Variants in ARHGAP10 observed in about 807,000 individuals in gnomAD.
The protein encoded by ARHGAP10 is Rho GTPase activating protein 10.
Under a neutral mutation model 108.6 loss-of-function variants are expected in ARHGAP10, and 87 were observed. That is an observed-to-expected ratio of 0.80 (90% CI 0.67 to 0.96). The LOEUF (loss-of-function observed/expected upper bound fraction) is 0.96, where lower values mean the gene tolerates loss of function less well. Ranked by LOEUF, ARHGAP10 falls within the 40% of genes least tolerant of loss-of-function variation. The pLI is 0.00. For synonymous variants in ARHGAP10, 347 were observed against 341.1 expected, an observed-to-expected ratio of 1.02 and a Z score of -0.19; for missense variants, 939 against 954.5, an observed-to-expected ratio of 0.98 and a Z score of 0.21.
At chr4:147,773,644 T>C (rs544557857) in intron 1 of ARHGAP10, among the ~76,000 whole-genome samples, 1 of 152,348 alleles carries the variant, frequency 6.6e-6, no homozygotes, top group African/African-American at 2.4e-5. Context: ...AACAGTTATC[T>C]GTTTTTCGTG....
chr4:147,866,800 A>G lies in ARHGAP10; in HGVS notation c.686A>G (p.Gln229Arg). 2.5e-6 allele frequency: 4 copies of G among 1,609,444 alleles called. No individual in the cohort carries two copies. Among genetic ancestry groups the G allele is most frequent in the Non-Finnish European group, 2.6e-6 (3 of 1,175,984 alleles). ...TTCAATCACTACAAAATGGAACTACAGATCAACATTCAGAATGTAAGGAAG... is the reference window on the plus strand; with the variant it reads ...TTCAATCACTACAAAATGGAACTACGGATCAACATTCAGAATGTAAGGAAG... ...KDFNHYKMEL[Q>R]INIQNTRNRF... The change falls in exon 7 of 23, where the codon CAG becomes CGG. Residue 229 changes from glutamine to arginine, a missense_variant. Physicochemically the swap from Gln to Arg is conservative, Grantham distance 43. Coordinates refer to ENST00000336498, the MANE Select transcript of ARHGAP10 (RefSeq NM_024605.4).
At chr4:148,050,577 G>A (rs180960091) in intron 20 of ARHGAP10, among the ~76,000 whole-genome samples, 81 of 151,664 alleles carry the variant, frequency 5.3e-4, no homozygotes, top group Middle Eastern at 3.4e-3. Flanking sequence ...GTTTCACTGC[G>A]TTAGCCAGGA....
chr4:147,967,711 G>C (rs1182782166), intron 18 of ARHGAP10, among the ~76,000 whole-genome samples: 1 of 152,202 alleles, frequency 6.6e-6, no homozygotes, highest in Non-Finnish European at 1.5e-5. Flanking sequence ...ACTTGCAACA[G>C]AGACCAGATA....
In ARHGAP10 at chr4:148,064,451, G is replaced by A. The variant is rs1436395350; in HGVS notation, c.2216G>A (p.Cys739Tyr). 6.2e-7 allele frequency: 1 copy of A among 1,614,170 alleles called. No homozygotes were observed. The highest frequency in any genetic ancestry group is 2.2e-5 in the East Asian group (1 of 44,880). The change falls in exon 22 of 23, where the codon TGT becomes TAT. Residue 739 changes from cysteine (C) to tyrosine (Y), a missense_variant. Physicochemically the swap from Cys to Tyr is radical, Grantham distance 194. Transcript: ENST00000336498. ...RSRKARAVYP[C>Y]EAEHSSELSF... ...CGGAAGGCTCGAGCCGTGTATCCGT[G>A]TGAAGCAGAACACAGCTCGGAATTA... is the stretch of plus-strand genomic sequence containing the variant.
chr4:147,963,252 T>G (rs1739071082), intron 16 of ARHGAP10, among the ~76,000 whole-genome samples: 2 of 152,160 alleles, frequency 1.3e-5, no homozygotes, highest in African/African-American at 4.8e-5. Flanking sequence ...TGTCATGCTA[T>G]TTACTGAATT....
intron 19 of ARHGAP10, among the ~76,000 whole-genome samples, chr4:148,024,284 TTCTAG>T (rs1382414827): frequency 6.6e-6 from 1 of 152,232 alleles, no homozygotes; most frequent in Non-Finnish European, 1.5e-5. Flanking sequence ...TTCATTCTTC[TTCTAG>T]TCCTCTTTTT....
intron 16 of ARHGAP10, among the ~76,000 whole-genome samples, chr4:147,959,095 A>G (rs1430013945): frequency 6.6e-6 from 1 of 152,170 alleles, no homozygotes; most frequent in Non-Finnish European, 1.5e-5. Flanking sequence ...TAGATGATTT[A>G]TCTTCAAAAA....
In ARHGAP10 at chr4:147,942,243, T is replaced by G. The variant is rs72724377; in HGVS notation, c.1303+2344T>G. 3.9e-3 allele frequency among the ~76,000 whole-genome samples: 594 copies of G among 152,302 alleles called. 3 individuals are homozygous for G. The highest frequency in any genetic ancestry group is 6.2e-3 in the Non-Finnish European group (421 of 68,002). ...TTGTAATGCATTGTCTTTGTAGAAA[T>G]GGGAAATAATTTAATTTTTAAGTAT... On this transcript the variant is annotated intron_variant, in intron 14 of 22. Coordinates refer to ENST00000336498, the MANE Select transcript of ARHGAP10 (RefSeq NM_024605.4).
At chr4:147,879,487 A>G (rs1357030690) in intron 9 of ARHGAP10, 149 bp downstream of exon 9, 8 of 669,274 alleles carry the variant, frequency 1.2e-5, no homozygotes, top group Non-Finnish European at 1.9e-5. Context: ...TTTTTGAGTG[A>G]AATGGGCCAG....
intron 16 of ARHGAP10, among the ~76,000 whole-genome samples, chr4:147,961,086 G>A (rs11939429): frequency 0.061 from 9,302 of 152,160 alleles, 603 homozygotes; most frequent in African/African-American, 0.16. Flanking sequence ...TTTTTGGGTC[G>A]GTCATAGGGT....
intron 1 of ARHGAP10, among the ~76,000 whole-genome samples, chr4:147,734,055 G>A (rs1728329000): frequency 2.6e-5 from 4 of 152,004 alleles, no homozygotes; most frequent in African/African-American, 9.7e-5. Context: ...GAGGAGTTGG[G>A]AGCGGGGGTG....
chr4:147,855,422 A>ATATCAATACATTGTAGTAACTATGTAG (rs1296981339), intron 4 of ARHGAP10, among the ~76,000 whole-genome samples: 70 of 152,368 alleles, frequency 4.6e-4, no homozygotes, highest in African/African-American at 1.6e-3. Context: ...TAACTATGTA[A>ATATCAATACATTGTAGTAACTATGTAG]TATCAATACA....
intron 1 of ARHGAP10, among the ~76,000 whole-genome samples, chr4:147,754,644 C>T (rs970083022): frequency 1.3e-5 from 2 of 151,728 alleles, no homozygotes; most frequent in Admixed American, 6.6e-5. Context: ...CTTTCACCAG[C>T]TAGAGAATTT....
At chr4:147,990,009 A>G (rs1740209030) in intron 18 of ARHGAP10, among the ~76,000 whole-genome samples, 4 of 152,228 alleles carry the variant, frequency 2.6e-5, no homozygotes, top group Admixed American at 2.6e-4. Flanking sequence ...TTCTTCTGTC[A>G]TGGCTTCAGC....
At chr4:148,054,249 A>C (rs532350736) in intron 20 of ARHGAP10, among the ~76,000 whole-genome samples, 1 of 152,242 alleles carries the variant, frequency 6.6e-6, no homozygotes, top group Non-Finnish European at 1.5e-5. Context: ...CTGGCCTTGC[A>C]TCCACGTTCT....
At chr4:147,986,044 A>G (rs1740033673) in intron 18 of ARHGAP10, among the ~76,000 whole-genome samples, 1 of 152,166 alleles carries the variant, frequency 6.6e-6, no homozygotes, top group East Asian at 1.9e-4. Flanking sequence ...CACAGGGTTT[A>G]TCTTTATGCA....
At position 147,857,544 on chromosome 4, in the gene ARHGAP10, T is replaced by TA; in HGVS notation, c.385-8dup. On this transcript the variant is annotated splice_polypyrimidine_tract_variant and intron_variant, in intron 4 of 22. Transcript: ENST00000336498. ...TTCTGTTTAATCATAGTTTTTTTTT[T>TA]ATTTGTAGGAAGAAAAAAAGAAGTT... 1 of 1,474,658 alleles carries TA rather than the reference T, an allele frequency of 6.8e-7. No individual in the cohort carries two copies. The highest frequency in any genetic ancestry group is 9.0e-7 in the Non-Finnish European group (1 of 1,112,290). The allele number at this position is 1,474,658 out of a possible 1,614,324, so 91.3% of individuals were successfully genotyped here. A position where few individuals can be genotyped will look rare whatever the true frequency, so the allele number is the denominator to read the frequency against.
intron 1 of ARHGAP10, among the ~76,000 whole-genome samples, chr4:147,736,828 G>C (rs1728437060): frequency 6.6e-6 from 1 of 152,176 alleles, no homozygotes; most frequent in Non-Finnish European, 1.5e-5. Flanking sequence ...AGAAGAATGA[G>C]GTTGTATCCC....
intron 18 of ARHGAP10, among the ~76,000 whole-genome samples, chr4:147,981,261 C>T (rs543373174): frequency 1.3e-5 from 2 of 152,200 alleles, no homozygotes; most frequent in Admixed American, 6.5e-5. Context: ...ATTATGTCTA[C>T]TTTTGTTTGT....
Sources: allele counts gnomAD v4.1 joint callset (sites outside exome capture counted in the v4.1 genomes callset), GRCh38; gene constraint gnomAD v4.1.1; transcripts MANE v1.5; gene names NCBI Gene and HGNC (gene_info 2026-07-23, HGNC 2026-07-21).